OPA1: variants seen among roughly 807,000 people sequenced by gnomAD.
OPA1 encodes the protein OPA1 mitochondrial dynamin like GTPase, also known as dynamin-like GTPase OPA1, mitochondrial.
Under a neutral mutation model 152.9 loss-of-function variants are expected in OPA1, and 59 were observed. The ratio of observed to expected loss-of-function variants is 0.39; its 90% CI spans 0.31 to 0.48. The LOEUF (loss-of-function observed/expected upper bound fraction) is 0.48. OPA1 is among the 20% of genes least tolerant of loss of function. OPA1 has a pLI of 0.96. For synonymous variants in OPA1, 400 were observed against 389.9 expected (o/e 1.03, Z -0.31); for missense variants, 1,008 against 1,216.8 (o/e 0.83, Z 2.55).
chr3:193,614,577 A>C (rs1728730041), intron 1 of OPA1, 146 bp from the exon 2 acceptor site: 1 of 717,700 alleles, frequency 1.4e-6, no homozygotes, highest in Non-Finnish European at 2.5e-6. Flanking sequence ...GCACATAGTC[A>C]ATGGTTAGTA....
chr3:193,644,127 C>T lies in OPA1; in HGVS notation c.1608+22C>T, dbSNP rs182057097. ...CAGGGTGAGGTCAAATTCTTTGTTG[C>T]GAGAATAGATTCTTTGTAAAAGCTC... is the stretch of plus-strand genomic sequence containing the variant. On this transcript the variant is annotated intron_variant, in intron 16 of 30. Coordinates refer to ENST00000361510, the MANE Select transcript of OPA1 (RefSeq NM_130837.3). 1.5e-4 allele frequency: 242 copies of T among 1,610,726 alleles called. No homozygotes were observed. The African/African-American group carries it at 2.0e-3, about 13-fold the overall frequency.
chr3:193,622,742 T>C (rs1039903251), intron 6 of OPA1, among the ~76,000 whole-genome samples: 3 of 152,208 alleles, frequency 2.0e-5, no homozygotes, highest in Non-Finnish European at 4.4e-5. Flanking sequence ...ATTCTTACTA[T>C]CTAATCGGCC....
intron 27 of OPA1, 59 bp from the exon 28 acceptor site, chr3:193,666,237 A>G: frequency 7.0e-7 from 1 of 1,424,172 alleles, no homozygotes. Flanking sequence ...GTATGTGTTT[A>G]CGATGATAGT....
intron 21 of OPA1, among the ~76,000 whole-genome samples, chr3:193,649,202 A>T (rs746483964): frequency 3.3e-5 from 5 of 152,164 alleles, no homozygotes; most frequent in Non-Finnish European, 5.9e-5. Context: ...TGATTTATAA[A>T]GGGAGTTGGT....
intron 1 of OPA1, among the ~76,000 whole-genome samples, chr3:193,604,548 G>C (rs1038952266): frequency 1.3e-4 from 20 of 152,132 alleles, no homozygotes; most frequent in Non-Finnish European, 2.8e-4. Flanking sequence ...GTCCCAAATA[G>C]TGGACTTTTT....
intron 29 of OPA1, among the ~76,000 whole-genome samples, chr3:193,676,696 T>C (rs1018152630): frequency 1.2e-4 from 18 of 152,098 alleles, no homozygotes; most frequent in African/African-American, 4.3e-4. Context: ...AAGTCACCGT[T>C]GTGGCCGGGT....
chr3:193,658,246 C>CA lies in OPA1; in HGVS notation c.2332-623dup, dbSNP rs10544016. Reference sequence around the variant, plus strand: ...GGCAACAAGAGCAAAACTCCGTTTTCAAAAAAAAAAAAAAAAAAGAAAGAA... The same window carrying CA: ...GGCAACAAGAGCAAAACTCCGTTTTCAAAAAAAAAAAAAAAAAAAGAAAGAA... On this transcript the variant is annotated intron_variant, in intron 23 of 30. Transcript: ENST00000361510. Among the ~76,000 whole-genome samples the CA allele has an allele frequency of 2.4e-3, 229 of 96,504 alleles. 1 individual carries two copies. Among genetic ancestry groups the CA allele is most frequent in the African/African-American group, 4.7e-3 (131 of 27,918 alleles). 63.3% of individuals were successfully genotyped at this position (96,504 alleles called of 152,430 possible).
intron 21 of OPA1, among the ~76,000 whole-genome samples, chr3:193,649,917 A>G (rs1048860584): frequency 1.3e-5 from 2 of 152,190 alleles, no homozygotes; most frequent in Non-Finnish European, 2.9e-5. Flanking sequence ...TCAGCTTTCA[A>G]GTTACAAAGA....
chr3:193,647,190 A>G lies in OPA1; in HGVS notation c.1870+10A>G. 1 of 1,582,144 alleles carries G rather than the reference A, an allele frequency of 6.3e-7. No homozygotes were observed. Reference sequence around the variant, plus strand: ...GCTGATAGTTTCAAAGGTAAGTTGGATTTTTTAAAGAAGCAAGCAAATTAA... The same window carrying G: ...GCTGATAGTTTCAAAGGTAAGTTGGGTTTTTTAAAGAAGCAAGCAAATTAA... On this transcript the variant is annotated intron_variant, in intron 19 of 30. Coordinates refer to ENST00000361510, the MANE Select transcript of OPA1 (RefSeq NM_130837.3).
rs371988066 is a variant in OPA1 at position 193,593,370 on chromosome 3, C to T, written c.-8C>T. ...TCTCGGCGCCTGCGTGACCTCCCCGCCGGCGGGATGTGGCGACTACGTCGG... is the reference window on the plus strand; with the variant it reads ...TCTCGGCGCCTGCGTGACCTCCCCGTCGGCGGGATGTGGCGACTACGTCGG... On this transcript the variant is annotated 5_prime_UTR_variant, in exon 1 of 31. Coordinates refer to ENST00000361510, the MANE Select transcript of OPA1 (RefSeq NM_130837.3). 1.8e-4 allele frequency: 276 copies of T among 1,546,348 alleles called. No individual in the cohort carries two copies. The highest frequency in any genetic ancestry group is 2.0e-4 in the Non-Finnish European group (232 of 1,144,720).
chr3:193,631,340 C>G (rs1732040210), intron 7 of OPA1, among the ~76,000 whole-genome samples: 1 of 150,862 alleles, frequency 6.6e-6, no homozygotes. Context: ...GTTTTTCTAA[C>G]TAGTCTTTCA....
At chr3:193,687,350 G>A (rs1434128868) in intron 29 of OPA1, among the ~76,000 whole-genome samples, 1 of 152,172 alleles carries the variant, frequency 6.6e-6, no homozygotes, top group East Asian at 1.9e-4. Flanking sequence ...TGGATAAATG[G>A]AAAGTAGACT....
At chr3:193,604,010 AC>A (rs1353452098) in intron 1 of OPA1, among the ~76,000 whole-genome samples, 1 of 152,218 alleles carries the variant, frequency 6.6e-6, no homozygotes, top group Non-Finnish European at 1.5e-5. Context: ...TAGTCTACTC[AC>A]TGAAAAATGC....
chr3:193,650,368 A>G (rs1227508872), intron 21 of OPA1, among the ~76,000 whole-genome samples: 1 of 152,186 alleles, frequency 6.6e-6, no homozygotes, highest in Non-Finnish European at 1.5e-5. Context: ...TGTTAACGCA[A>G]ATATAAATCA....
chr3:193,648,976 C>T (rs561221990), intron 21 of OPA1, 105 bp downstream of exon 21: 2 of 831,954 alleles, frequency 2.4e-6, no homozygotes, highest in African/African-American at 3.4e-5. Flanking sequence ...GTTGCCTTGG[C>T]TCATAGGCAA....
intron 1 of OPA1, among the ~76,000 whole-genome samples, chr3:193,610,697 C>T (rs1293192243): frequency 1.3e-5 from 2 of 152,238 alleles, no homozygotes; most frequent in African/African-American, 4.8e-5. Flanking sequence ...GTTCGAGCTT[C>T]CCAGCTGCTT....
intron 8 of OPA1, among the ~76,000 whole-genome samples, chr3:193,634,025 G>A (rs1008179793): frequency 1.3e-5 from 2 of 152,120 alleles, no homozygotes; most frequent in Admixed American, 6.5e-5. Context: ...TTGCTGTAAG[G>A]ATAGAACCAT....
chr3:193,692,954 C>T (rs1436728694), intron 30 of OPA1, among the ~76,000 whole-genome samples: 1 of 152,248 alleles, frequency 6.6e-6, no homozygotes, highest in East Asian at 1.9e-4. Flanking sequence ...GATGGGGTTT[C>T]ACCCCGTTGT....
At chr3:193,690,732 A>G (rs140309931) in intron 29 of OPA1, among the ~76,000 whole-genome samples, 8 of 152,196 alleles carry the variant, frequency 5.3e-5, no homozygotes, top group Non-Finnish European at 1.2e-4. Flanking sequence ...AATATAAAAG[A>G]TATAAATGTC....
Sources: gnomAD v4.1 joint callset for allele counts (sites outside exome capture counted in the v4.1 genomes callset) on GRCh38, gnomAD v4.1.1 for gene constraint, MANE v1.5 for transcripts, NCBI Gene and HGNC (gene_info 2026-07-23, HGNC 2026-07-21) for gene names.